Variants in UBR4 observed in about 807,000 individuals in gnomAD.
The protein encoded by UBR4 is ubiquitin protein ligase E3 component n-recognin 4.
Under a neutral mutation model 575.6 loss-of-function variants are expected in UBR4, and 124 were observed. The ratio of observed to expected loss-of-function variants is 0.22; its 90% CI spans 0.19 to 0.25. UBR4 has a LOEUF of 0.25. Among genes scored for constraint, UBR4 ranks in the 10% least tolerant of loss-of-function variants. The pLI, the probability that UBR4 is intolerant of heterozygous loss-of-function variation, is 1.00. For synonymous variants in UBR4, 2,455 were observed against 2,473.7 expected (o/e 0.99, Z 0.22); for missense variants, 4,818 against 6,478.8 (o/e 0.74, Z 8.80).
intron 15 of UBR4, among the ~76,000 whole-genome samples, chr1:19,184,443 T>G (rs533070401): frequency 6.6e-6 from 1 of 152,324 alleles, no homozygotes; most frequent in South Asian, 2.1e-4. Context: ...GATTTCCAAA[T>G]AGACTGACCC....
At position 19,112,507 on chromosome 1, in the gene UBR4, A is replaced by T. The variant is rs752936892; in HGVS notation, c.11801+17T>A. On this transcript the variant is annotated intron_variant, in intron 78 of 105. Transcript: ENST00000375254. ...AGTAGGAACCACTAGGCCCATAACCATGGTGTAGGTACTGACCGAGTTAGG... is the reference window on the plus strand; with the variant it reads ...AGTAGGAACCACTAGGCCCATAACCTTGGTGTAGGTACTGACCGAGTTAGG... The T allele has an allele frequency of 6.3e-7, 1 of 1,590,150 alleles. No homozygotes were observed. The highest frequency in any genetic ancestry group is 8.6e-7 in the Non-Finnish European group (1 of 1,166,434).
chr1:19,079,950 C>T (rs2076326375), intron 103 of UBR4: 1 of 152,192 alleles, frequency 6.6e-6, no homozygotes, highest in Non-Finnish European at 1.5e-5. Flanking sequence ...CACTGGATTT[C>T]CTAATTAAGC....
intron 90 of UBR4, 117 bp downstream of exon 90, chr1:19,099,480 C>G: frequency 1.1e-6 from 1 of 901,026 alleles, no homozygotes; most frequent in Non-Finnish European, 1.7e-6. Context: ...GACAGTAAAG[C>G]CTTAGAGAGC....
chr1:19,165,830 A>G, intron 29 of UBR4, 73 bp from the exon 30 acceptor site: 2 of 1,338,226 alleles, frequency 1.5e-6, no homozygotes, highest in Non-Finnish European at 2.1e-6. Context: ...GTGATTTATT[A>G]AAATCCAAAG....
At chr1:19,092,780 T>C in intron 97 of UBR4, 39 bp downstream of exon 97, 2 of 1,525,474 alleles carry the variant, frequency 1.3e-6, no homozygotes, top group Middle Eastern at 1.7e-4. Flanking sequence ...GTTATACTTG[T>C]ACCCCTGTAC....
intron 64 of UBR4, 129 bp from the exon 65 acceptor site, chr1:19,124,819 C>A (rs1282221609): frequency 9.2e-6 from 11 of 1,196,158 alleles, no homozygotes; most frequent in African/African-American, 3.1e-5. Context: ...GAGCTGGAAT[C>A]AAGACTGACT....
intron 99 of UBR4, 141 bp from the exon 100 acceptor site, chr1:19,086,962 A>G: frequency 8.5e-7 from 1 of 1,178,922 alleles, no homozygotes; most frequent in Non-Finnish European, 1.2e-6. Context: ...TCAGAAGAGC[A>G]GGTAAGGCCA....
Position 19,161,675 on chromosome 1 carries a change from C to T in UBR4, c.5089G>A (p.Val1697Met). ...GVGVCTVCAK[V>M]CHKDHEISYA... ...GAAATCTCATGATCCTTGTGGCACACCTTAGCACACACTGTGCAGACACCC... is the reference window on the plus strand; with the variant it reads ...GAAATCTCATGATCCTTGTGGCACATCTTAGCACACACTGTGCAGACACCC... Residue 1697 changes from valine (V) to methionine (M), a missense_variant, in exon 37 of 106, where the codon GTG (valine) becomes ATG (methionine). Around this residue, in one of 29 missense-constraint regions of UBR4, gnomAD observed 7 missense variants for 63.2 expected, o/e 0.11. Coordinates refer to ENST00000375254, the MANE Select transcript of UBR4 (RefSeq NM_020765.3). 6.2e-7 allele frequency: 1 copy of T among 1,614,082 alleles called. No homozygotes were observed. The highest frequency in any genetic ancestry group is 8.5e-7 in the Non-Finnish European group (1 of 1,179,964).
chr1:19,157,819 C>A lies in UBR4; in HGVS notation c.5756G>T (p.Gly1919Val). 1 of 1,613,972 alleles carries A rather than the reference C, an allele frequency of 6.2e-7. No individual in the cohort carries two copies. The highest frequency in any genetic ancestry group is 8.5e-7 in the Non-Finnish European group (1 of 1,179,858). ...CACAAGAATTGGAGGACCCACCTTG[C>A]CCTTCTCATGGCTGACAGCCAAATG... ...RQHLAVSHEKGKITVLQLSAL... is the reference protein window; with the variant it reads ...RQHLAVSHEKVKITVLQLSAL... Residue 1919 changes from glycine (G) to valine (V), a missense_variant, in exon 40 of 106, where the codon GGC (glycine) becomes GTC (valine). By Grantham distance (109) the Gly-to-Val change is moderately radical. Coordinates refer to ENST00000375254, the MANE Select transcript of UBR4 (RefSeq NM_020765.3). The surrounding 1 kb of genome is among the most constrained non-coding windows in gnomAD (Gnocchi z 4.4).
intron 102 of UBR4, 43 bp downstream of exon 102, chr1:19,084,461 G>C (rs896343638): frequency 7.7e-6 from 12 of 1,556,942 alleles, no homozygotes; most frequent in Admixed American, 6.9e-5. Flanking sequence ...AGGGATGCAG[G>C]GTGGGTCTGC....
At position 19,187,483 on chromosome 1, in the gene UBR4, T is replaced by C; in HGVS notation, c.1452A>G (p.Leu484=). 2 of 1,613,954 alleles carry C rather than the reference T, an allele frequency of 1.2e-6. No homozygotes were observed. Among genetic ancestry groups the C allele is most frequent in the Non-Finnish European group, 1.7e-6 (2 of 1,180,002 alleles). The part of the protein sequence containing the change: ...VILANHAIKL[L]TSLFQDLQVE... ...CTTGTAGGTCTTGAAAGAGAGACGT[T>C]AGCAGTTTGATGGCATGGTTTGCCA... Residue 484 remains leucine (L), a synonymous_variant, in exon 12 of 106, where the codon CTA becomes CTG. Transcript: ENST00000375254.
rs775246031 is a variant in UBR4 at position 19,160,217 on chromosome 1, G to C, written c.5471C>G (p.Thr1824Ser). 1 of 1,613,708 alleles carries C rather than the reference G, an allele frequency of 6.2e-7. No homozygotes were observed. Among genetic ancestry groups the C allele is most frequent in the Non-Finnish European group, 8.5e-7 (1 of 1,179,970 alleles). ...MLNFLMDAIQ[T>S]NFQQASAVGS... ...GACGGCTGAAGCTTGCTGGAAGTTG[G>C]TCTGAATGGCATCCATAAGGAAATT... The change falls in exon 39 of 106, where the codon ACC becomes AGC. Residue 1824 changes from threonine (T) to serine (S), a missense_variant. By Grantham distance (58) the Thr-to-Ser change is moderately conservative. Around this residue, in one of 29 missense-constraint regions of UBR4, gnomAD observed 159 missense variants for 174.6 expected, o/e 0.91. Transcript: ENST00000375254.
At chr1:19,123,451 T>TAA (rs35963937) in intron 65 of UBR4, among the ~76,000 whole-genome samples, 25,224 of 135,610 alleles carry the variant, frequency 0.19, 2,821 homozygotes, top group East Asian at 0.25. Context: ...GACTTGGTCT[T>TAA]AAAAAAAAAA....
In UBR4 at chr1:19,184,055, C is replaced by T. The variant is rs1310676536; in HGVS notation, c.2059G>A (p.Ala687Thr). Residue 687 changes from alanine (A) to threonine (T), a missense_variant, in exon 16 of 106, where the codon GCC becomes ACC. Transcript: ENST00000375254. Reference protein sequence around the residue: ...SLSEHHMATLASIIKEVDKDG... With the variant: ...SLSEHHMATLTSIIKEVDKDG... ...TTGTCCACCTCCTTGATGATACTGG[C>T]TAGGGTGGCCATATGGTGTTCTGAA... 1 of 1,614,098 alleles carries T rather than the reference C, an allele frequency of 6.2e-7. No homozygotes were observed. Among genetic ancestry groups the T allele is most frequent in the Non-Finnish European group, 8.5e-7 (1 of 1,179,996 alleles).
chr1:19,168,759 G>C (rs60337059), intron 27 of UBR4, among the ~76,000 whole-genome samples: 72,887 of 151,856 alleles, frequency 0.48, 18,084 homozygotes, highest in East Asian at 0.8. Flanking sequence ...AGGCGGATCA[G>C]GAGGTCAGGC....
intron 20 of UBR4, 59 bp downstream of exon 20, chr1:19,176,533 T>G (rs1372477498): frequency 2.0e-5 from 32 of 1,587,034 alleles, no homozygotes; most frequent in Non-Finnish European, 2.6e-5. Flanking sequence ...AAGCTTCAAA[T>G]TCAACCCCAC....
At chr1:19,104,044 G>A (rs2078930435) in intron 87 of UBR4, 40 bp downstream of exon 87, 1 of 1,601,734 alleles carries the variant, frequency 6.2e-7, no homozygotes. Context: ...AGCCCCAGAA[G>A]GGACAGTGCC....
At chr1:19,206,066 G>A (rs946975054) in intron 1 of UBR4, among the ~76,000 whole-genome samples, 1 of 152,202 alleles carries the variant, frequency 6.6e-6, no homozygotes, top group African/African-American at 2.4e-5. Context: ...TCCCATGGAC[G>A]GTATGTGCTC....
At position 19,110,435 on chromosome 1, in the gene UBR4, C is replaced by A; in HGVS notation, c.11922G>T (p.Leu3974=). Residue 3974 remains leucine, a synonymous_variant, in exon 80 of 106, where the codon CTG becomes CTT. Coordinates refer to ENST00000375254, the MANE Select transcript of UBR4 (RefSeq NM_020765.3). The surrounding 1 kb of genome is among the most constrained non-coding windows in gnomAD (Gnocchi z 4.5). The part of the protein sequence containing the change: ...LASSLQYEML[L]LTDSISKEDS... The stretch of plus-strand genomic sequence containing the variant: ...CCTCCTTGGAGATAGAATCCGTCAG[C>A]AGCAGCATTTCATACTGCAGGCTAC... The A allele has an allele frequency of 6.2e-7, 1 of 1,614,174 alleles. No individual in the cohort carries two copies. The highest frequency in any genetic ancestry group is 8.5e-7 in the Non-Finnish European group (1 of 1,180,036).
Sources: allele counts gnomAD v4.1 joint callset (sites outside exome capture counted in the v4.1 genomes callset), GRCh38; gene constraint gnomAD v4.1.1; regional missense constraint gnomAD v4.1.1; non-coding constraint Gnocchi (gnomAD v3.1); transcripts MANE v1.5; gene names NCBI Gene and HGNC (gene_info 2026-07-23, HGNC 2026-07-21).